The following RELN variants were observed in gnomAD, a reference collection of about 807,000 sequenced individuals.
The protein encoded by RELN is reelin.
RELN carries 108 observed loss-of-function variants against 427.6 expected under a neutral mutation model. The observed-to-expected ratio is 0.25, with a 90% CI of 0.22 to 0.30. RELN has a LOEUF of 0.30. RELN is among the 10% of genes least tolerant of loss of function. The pLI is 1.00. For synonymous variants in RELN, 1,524 were observed against 1,513.4 expected (o/e 1.01, Z -0.16); for missense variants, 3,715 against 4,302.8 (o/e 0.86, Z 3.82).
chr7:103,853,733 T>C (rs988728306), intron 2 of RELN, among the ~76,000 whole-genome samples: 5 of 152,030 alleles, frequency 3.3e-5, no homozygotes, highest in Admixed American at 1.3e-4. Context: ...TGTCTCATAA[T>C]ATACAAAATA....
At chr7:103,811,212 T>A (rs1003935135) in intron 3 of RELN, among the ~76,000 whole-genome samples, 7 of 152,214 alleles carry the variant, frequency 4.6e-5, no homozygotes, top group African/African-American at 1.7e-4. Context: ...CTAAAACATA[T>A]CCTGCTTGTG....
intron 2 of RELN, among the ~76,000 whole-genome samples, chr7:103,904,303 C>T (rs1466598637): frequency 1.3e-5 from 2 of 152,058 alleles, no homozygotes; most frequent in African/African-American, 4.8e-5. Context: ...GTAAATAGTG[C>T]TGCAATAAAC....
At chr7:103,507,490 C>A (rs928542235) in intron 51 of RELN, among the ~76,000 whole-genome samples, 1 of 152,130 alleles carries the variant, frequency 6.6e-6, no homozygotes, top group African/African-American at 2.4e-5. Flanking sequence ...CCAATGAGAA[C>A]AAAGACACAA....
intron 4 of RELN, 55 bp from the exon 5 acceptor site, chr7:103,753,269 C>A: frequency 6.3e-7 from 1 of 1,580,088 alleles, no homozygotes; most frequent in Non-Finnish European, 8.7e-7. Context: ...AAGCAAAATC[C>A]AGTAATAAAG....
rs1360346999 is a variant in RELN, at chr7:103,718,329, C to A, written c.805+4811G>T. 7.1e-3 allele frequency among the ~76,000 whole-genome samples: 480 copies of A among 67,426 alleles called. 3 individuals are homozygous for A. Among genetic ancestry groups the A allele is most frequent in the African/African-American group, 0.028 (455 of 16,072 alleles). 44.2% of individuals were successfully genotyped at this position (67,426 alleles called of 152,430 possible). ...TGAAATGATAAAAACAAAAACAAAG[C>A]AGCAAAAAAAAAAAAAAAAAATTAA... On this transcript the variant is annotated intron_variant, in intron 8 of 64. Transcript: ENST00000428762.
At chr7:103,851,374 A>G (rs1349414453) in intron 2 of RELN, among the ~76,000 whole-genome samples, 1 of 152,120 alleles carries the variant, frequency 6.6e-6, no homozygotes, top group African/African-American at 2.4e-5. Context: ...CACTACAAAT[A>G]TGGTGCAATG....
At position 103,770,251 on chromosome 7, in the gene RELN, ATT is replaced by A. The variant is rs561175050; in HGVS notation, c.544+6304_544+6305del. 2.1e-3 allele frequency among the ~76,000 whole-genome samples: 323 copies of A among 152,116 alleles called. 2 individuals are homozygous for A. Among genetic ancestry groups the A allele is most frequent in the African/African-American group, 7.4e-3 (308 of 41,524 alleles). Reference sequence around the variant, plus strand: ...AGGCATGTGCCATCACGCCCAGCTAATTTTTTGTATTTTTAGTAGAGATGGGG... The same window carrying A: ...AGGCATGTGCCATCACGCCCAGCTAATTTTGTATTTTTAGTAGAGATGGGG... On this transcript the variant is annotated intron_variant, in intron 4 of 64. Coordinates refer to ENST00000428762, the MANE Select transcript of RELN (RefSeq NM_005045.4).
At chr7:103,584,160 G>T (rs1405894460) in intron 28 of RELN, among the ~76,000 whole-genome samples, 2 of 152,190 alleles carry the variant, frequency 1.3e-5, no homozygotes, top group Non-Finnish European at 2.9e-5. Flanking sequence ...AGGGAGTATT[G>T]CTCCCCAGGG....
At chr7:103,830,639 G>A (rs1410053184) in intron 3 of RELN, among the ~76,000 whole-genome samples, 1 of 151,866 alleles carries the variant, frequency 6.6e-6, no homozygotes, top group Non-Finnish European at 1.5e-5. Flanking sequence ...TACTCAATAT[G>A]TAATAAATAT....
chr7:103,783,168 T>C (rs925420329), intron 3 of RELN, among the ~76,000 whole-genome samples: 1 of 150,574 alleles, frequency 6.6e-6, no homozygotes, highest in Non-Finnish European at 1.5e-5. Flanking sequence ...TTCTTTCTTT[T>C]TTTTTTTTTT....
At chr7:103,903,444 T>C (rs1795126160) in intron 2 of RELN, among the ~76,000 whole-genome samples, 1 of 152,168 alleles carries the variant, frequency 6.6e-6, no homozygotes, top group Non-Finnish European at 1.5e-5. Flanking sequence ...GCTGTGTTCC[T>C]GTTCATTCTC....
At chr7:103,676,461 C>A (rs1245429337) in intron 11 of RELN, among the ~76,000 whole-genome samples, 2 of 152,190 alleles carry the variant, frequency 1.3e-5, no homozygotes, top group Non-Finnish European at 2.9e-5. Flanking sequence ...ACTAGTTCAA[C>A]CACTGTGGAA....
intron 22 of RELN, among the ~76,000 whole-genome samples, chr7:103,604,782 A>C (rs761928568): frequency 1.3e-5 from 2 of 152,072 alleles, no homozygotes; most frequent in Non-Finnish European, 2.9e-5. Flanking sequence ...AAAAGTACTA[A>C]GAAAGAACAT....
intron 1 of RELN, among the ~76,000 whole-genome samples, chr7:103,967,845 C>T (rs1034917120): frequency 3.9e-5 from 6 of 152,298 alleles, no homozygotes; most frequent in South Asian, 2.1e-4. Context: ...AGGTCCATAC[C>T]GGAACCATCT....
intron 3 of RELN, among the ~76,000 whole-genome samples, chr7:103,784,857 C>G (rs1049741578): frequency 1.3e-5 from 2 of 151,964 alleles, no homozygotes; most frequent in South Asian, 4.1e-4. Context: ...AATATTTTAC[C>G]TGATAATTGA....
chr7:103,817,031 T>C (rs1419877295), intron 3 of RELN, among the ~76,000 whole-genome samples: 1 of 152,076 alleles, frequency 6.6e-6, no homozygotes, highest in Non-Finnish European at 1.5e-5. Context: ...TTTGTGTTTT[T>C]AGTAGAGACG....
At chr7:103,855,618 G>A (rs753166553) in intron 2 of RELN, among the ~76,000 whole-genome samples, 2 of 152,154 alleles carry the variant, frequency 1.3e-5, no homozygotes. Context: ...TTATTATAAA[G>A]TGAGCGGCTT....
chr7:103,849,067 C>T (rs1793750843), intron 2 of RELN, among the ~76,000 whole-genome samples: 1 of 152,192 alleles, frequency 6.6e-6, no homozygotes, highest in South Asian at 2.1e-4. Context: ...TGTGACAGTG[C>T]TGTCTGACCC....
chr7:103,904,337 G>A (rs1449657540), intron 2 of RELN, among the ~76,000 whole-genome samples: 1 of 152,088 alleles, frequency 6.6e-6, no homozygotes, highest in Non-Finnish European at 1.5e-5. Context: ...TGTCTTCATA[G>A]TAGAATGATT....
Sources: gnomAD v4.1 joint callset for allele counts (sites outside exome capture counted in the v4.1 genomes callset) on GRCh38, gnomAD v4.1.1 for gene constraint, MANE v1.5 for transcripts, NCBI Gene and HGNC (gene_info 2026-07-23, HGNC 2026-07-21) for gene names.